Variants in NDE1 observed in about 807,000 individuals in gnomAD.
NDE1 encodes the protein nuclear distribution protein nudE homolog 1.
In NDE1, 28 loss-of-function variants were observed where a neutral mutation model predicts 43.4. The observed-to-expected ratio is 0.65, with a 90% CI of 0.48 to 0.89. NDE1 has a LOEUF of 0.89. NDE1 is among the 40% of genes least tolerant of loss of function. The probability of loss-of-function intolerance (pLI) is 0.00; values close to 1 mark genes in which losing one functional copy is unlikely to be tolerated. For synonymous variants in NDE1, 184 were observed against 172.0 expected (o/e 1.07, Z -0.55); for missense variants, 441 against 434.1 (o/e 1.02, Z -0.14).
intron 8 of NDE1, chr16:15,721,728 T>C (rs2040496007): frequency 7.7e-7 from 1 of 1,295,834 alleles, no homozygotes; most frequent in African/African-American, 1.5e-5. Flanking sequence ...TCCTGCTGAA[T>C]GTATTGAGGT....
intron 4 of NDE1, among the ~76,000 whole-genome samples, chr16:15,683,824 A>G (rs971427828): frequency 6.6e-6 from 1 of 152,166 alleles, no homozygotes; most frequent in Non-Finnish European, 1.5e-5. Context: ...CAGGAGTTTG[A>G]GGACATCCTG....
At chr16:15,646,578 C>CA (rs891723979), upstream of NDE1, among the ~76,000 whole-genome samples, 4 of 148,214 alleles carry the variant, frequency 2.7e-5, no homozygotes, top group Non-Finnish European at 4.5e-5. Flanking sequence ...GAGACTCCGT[C>CA]AAAAAAAAGA....
rs756121642 is a variant in NDE1 at position 15,720,940 on chromosome 16, G to A, written c.948-3251G>A. 17 of 1,613,932 alleles carry A rather than the reference G, an allele frequency of 1.1e-5. No individual in the cohort carries two copies. The highest frequency in any genetic ancestry group is 2.2e-5 in the East Asian group (1 of 44,848). ...AGCGCCTGCATGTTGACTTCCAGCC[G>A]CAGTTTGGCGTCCTCCGTGGCTTGC... On this transcript the variant is annotated intron_variant, in intron 8 of 8. Transcript: ENST00000396354.
chr16:15,652,212 A>T (rs2036539381), intron 1 of NDE1, among the ~76,000 whole-genome samples: 1 of 151,918 alleles, frequency 6.6e-6, no homozygotes, highest in South Asian at 2.1e-4. Context: ...CATTATTATT[A>T]TTTTTTATGT....
intron 4 of NDE1, among the ~76,000 whole-genome samples, chr16:15,678,549 G>C (rs1049973834): frequency 6.6e-6 from 1 of 152,038 alleles, no homozygotes; most frequent in Non-Finnish European, 1.5e-5. Flanking sequence ...ATCTTTAGTA[G>C]GGATGGGCTC....
chr16:15,663,774 A>G (rs534008426), intron 1 of NDE1, among the ~76,000 whole-genome samples: 1 of 152,130 alleles, frequency 6.6e-6, no homozygotes, highest in African/African-American at 2.4e-5. Context: ...GTTTTATCAT[A>G]ATTTACATGG....
chr16:15,716,200 C>T (rs989251778), intron 8 of NDE1, among the ~76,000 whole-genome samples: 19 of 151,948 alleles, frequency 1.3e-4, no homozygotes, highest in Admixed American at 6.6e-5. Flanking sequence ...CCCAAAGTGC[C>T]GGGATTATGG....
intron 8 of NDE1, among the ~76,000 whole-genome samples, chr16:15,710,783 G>C (rs1431170972): frequency 6.6e-6 from 1 of 151,994 alleles, no homozygotes; most frequent in Non-Finnish European, 1.5e-5. Context: ...TTGCAAAGGA[G>C]TGTCCTGTCT....
rs1269570588 is a variant in NDE1, at chr16:15,726,251, G to A, written c.*2000G>A. On this transcript the variant is annotated 3_prime_UTR_variant, in exon 9 of 9. Transcript: ENST00000396354. The stretch of plus-strand genomic sequence containing the variant: ...CCCCTTACTCGGCTGGAGTCCTACT[G>A]GGGCAGCGACAGTGTCTCTTCTTCC... 1 of 154,830 alleles carries A rather than the reference G, an allele frequency of 6.5e-6. No homozygotes were observed. The highest frequency in any genetic ancestry group is 1.4e-5 in the Non-Finnish European group (1 of 69,896). The allele number at this position is 154,830 out of a possible 1,614,324, so 9.6% of individuals were successfully genotyped here. A position where few individuals can be genotyped will look rare whatever the true frequency, so the allele number is the denominator to read the frequency against.
chr16:15,717,820 G>C (rs1178356152), intron 8 of NDE1: 1 of 263,646 alleles, frequency 3.8e-6, no homozygotes, highest in Non-Finnish European at 7.4e-6. Flanking sequence ...TTCCACAAGT[G>C]TCAGTGCCAC....
At chr16:15,696,142 G>C (rs1233276922) in intron 7 of NDE1, among the ~76,000 whole-genome samples, 1 of 151,826 alleles carries the variant, frequency 6.6e-6, no homozygotes, top group East Asian at 1.9e-4. Flanking sequence ...GCAGTGAGCC[G>C]TGATCTTTTT....
chr16:15,714,727 C>T (rs72772016), intron 8 of NDE1: 11 of 764,910 alleles, frequency 1.4e-5, no homozygotes, highest in African/African-American at 3.4e-5. Flanking sequence ...AGGCAGGGCC[C>T]GGGTCTGATC....
intron 8 of NDE1, among the ~76,000 whole-genome samples, chr16:15,712,501 G>A (rs924504073): frequency 6.6e-5 from 10 of 151,836 alleles, no homozygotes; most frequent in African/African-American, 2.4e-4. Context: ...TATAAAAATA[G>A]GCCAAAAATA....
At chr16:15,643,402 C>T (rs760705591) in exon 1 of NDE1, 14 of 482,828 alleles carry the variant, frequency 2.9e-5, no homozygotes, top group South Asian at 2.1e-4. Flanking sequence ...GGCCTTCCCC[C>T]TGGCTTCACG....
intron 1 of NDE1, among the ~76,000 whole-genome samples, chr16:15,657,176 C>T (rs8044268): frequency 0.011 from 1,602 of 152,008 alleles, 33 homozygotes; most frequent in African/African-American, 0.036. Context: ...TGGCTCACTG[C>T]AACCTCCGCC....
intron 7 of NDE1, 82 bp from the exon 8 acceptor site, chr16:15,696,627 G>T: frequency 6.2e-7 from 1 of 1,609,598 alleles, no homozygotes. Flanking sequence ...CACTGTCTGG[G>T]GTTCGTTCTT....
chr16:15,697,051 GAGGGTCTTGTTTTGTGAGAC>G (rs2039050157), intron 8 of NDE1, 191 bp downstream of exon 8: 1 of 1,502,288 alleles, frequency 6.7e-7, no homozygotes, highest in African/African-American at 1.4e-5. Flanking sequence ...GGGCTAGAGA[GAGGGTCTTGTTTTGTGAGAC>G]AGGGTCTCAC....
intron 8 of NDE1, chr16:15,718,544 G>T (rs2040295347): frequency 7.0e-7 from 1 of 1,436,912 alleles, no homozygotes; most frequent in Non-Finnish European, 9.3e-7. Flanking sequence ...CATCTAATGG[G>T]TGAAACTGAG....
At chr16:15,723,182 T>C (rs1657050266) in intron 8 of NDE1, among the ~76,000 whole-genome samples, 1 of 152,226 alleles carries the variant, frequency 6.6e-6, no homozygotes, top group South Asian at 2.1e-4. Context: ...TTAAGATTTG[T>C]GAATCTCATC....
Sources: allele counts gnomAD v4.1 joint callset (sites outside exome capture counted in the v4.1 genomes callset), GRCh38; gene constraint gnomAD v4.1.1; transcripts MANE v1.5; gene names NCBI Gene and HGNC (gene_info 2026-07-23, HGNC 2026-07-21).